SKAP2: variants seen among roughly 807,000 people sequenced by gnomAD.
SKAP2 encodes the protein src kinase-associated phosphoprotein 2.
In SKAP2, 28 loss-of-function variants were observed where a neutral mutation model predicts 54.9. The observed-to-expected ratio is 0.51, with a 90% CI of 0.38 to 0.70. SKAP2 has a LOEUF of 0.70. SKAP2 is among the 30% of genes least tolerant of loss of function. The probability of loss-of-function intolerance (pLI) is 0.00; values close to 1 mark genes in which losing one functional copy is unlikely to be tolerated. For synonymous variants in SKAP2, 137 were observed against 134.3 expected, an observed-to-expected ratio of 1.02 and a Z score of -0.14; for missense variants, 356 against 424.1, an observed-to-expected ratio of 0.84 and a Z score of 1.41.
chr7:26,769,675 G>A (rs916953091), intron 4 of SKAP2, among the ~76,000 whole-genome samples: 2 of 152,140 alleles, frequency 1.3e-5, no homozygotes, highest in Non-Finnish European at 2.9e-5. Flanking sequence ...TGAAGCCATT[G>A]CTTTCTGTTT....
At chr7:26,850,676 A>C (rs932842197) in intron 3 of SKAP2, among the ~76,000 whole-genome samples, 1 of 152,174 alleles carries the variant, frequency 6.6e-6, no homozygotes, top group Admixed American at 6.5e-5. Context: ...ATAAGAAGGA[A>C]CTATCTGTTC....
At chr7:26,798,116 C>A (rs1462331356) in intron 4 of SKAP2, among the ~76,000 whole-genome samples, 1 of 151,366 alleles carries the variant, frequency 6.6e-6, no homozygotes, top group African/African-American at 2.4e-5. Flanking sequence ...CAGATTTAAC[C>A]CAAAGGTTAA....
At chr7:26,708,652 A>G (rs938900693) in intron 9 of SKAP2, among the ~76,000 whole-genome samples, 11 of 152,210 alleles carry the variant, frequency 7.2e-5, no homozygotes, top group Admixed American at 5.2e-4. Context: ...CTTACTGGGT[A>G]TGAGTAGCAC....
chr7:26,724,023 A>C (rs1787640806), intron 9 of SKAP2, among the ~76,000 whole-genome samples: 1 of 152,124 alleles, frequency 6.6e-6, no homozygotes, highest in Admixed American at 6.5e-5. Context: ...GTAAACCAGA[A>C]AGGAAGGGGT....
At chr7:26,677,777 CT>C (rs779214811) in intron 11 of SKAP2, among the ~76,000 whole-genome samples, 3 of 152,214 alleles carry the variant, frequency 2.0e-5, no homozygotes, top group Non-Finnish European at 4.4e-5. Context: ...CAGTTTGTGG[CT>C]TTTCTGGATC....
At position 26,727,762 on chromosome 7, in the gene SKAP2, A is replaced by G. The variant is rs142862553; in HGVS notation, c.470-756T>C. Among the ~76,000 whole-genome samples the G allele has an allele frequency of 3.5e-3, 538 of 152,294 alleles. 3 individuals carry two copies. Among genetic ancestry groups the G allele is most frequent in the African/African-American group, 0.012 (511 of 41,580 alleles). ...AGACAAGTAAAGTGCGAATATAACA[A>G]AGGACTTAATATTCTGAAACTGAAA... On this transcript the variant is annotated intron_variant, in intron 6 of 12. Coordinates refer to ENST00000345317, the MANE Select transcript of SKAP2 (RefSeq NM_003930.5).
At chr7:26,692,758 A>G (rs1422722326) in intron 9 of SKAP2, among the ~76,000 whole-genome samples, 1 of 152,206 alleles carries the variant, frequency 6.6e-6, no homozygotes, top group African/African-American at 2.4e-5. Flanking sequence ...GCTTTAATAA[A>G]TGGGTTAATA....
At chr7:26,673,317 A>C (rs921141601) in intron 11 of SKAP2, among the ~76,000 whole-genome samples, 3 of 152,128 alleles carry the variant, frequency 2.0e-5, no homozygotes, top group African/African-American at 7.2e-5. Flanking sequence ...AGGAGGACTG[A>C]TAAAATAATG....
downstream of SKAP2, among the ~76,000 whole-genome samples, chr7:26,664,273 T>C (rs1260543295): frequency 6.6e-6 from 1 of 152,024 alleles, no homozygotes; most frequent in Non-Finnish European, 1.5e-5. Context: ...CTTCATAGGG[T>C]TGTTATAAGA....
At chr7:26,804,766 T>G (rs576864941) in intron 4 of SKAP2, among the ~76,000 whole-genome samples, 254 of 151,392 alleles carry the variant, frequency 1.7e-3, no homozygotes, top group African/African-American at 5.7e-3. Context: ...GTGCCAATTT[T>G]TAATGCAGGA....
intron 9 of SKAP2, among the ~76,000 whole-genome samples, chr7:26,719,392 G>GAT (rs1345766682): frequency 6.6e-6 from 1 of 152,072 alleles, no homozygotes; most frequent in Non-Finnish European, 1.5e-5. Context: ...GGTCCAAAAA[G>GAT]ATAGAGAAGT....
In SKAP2 at chr7:26,768,276, C is replaced by T. The variant is rs1783105855; in HGVS notation, c.308-28312G>A. ...TATTATCAGAGACTAAGATTGCAAC[C>T]CCTGCTTTTTTTTTTTTTTGCTTTC... On this transcript the variant is annotated intron_variant, in intron 4 of 12. Coordinates refer to ENST00000345317, the MANE Select transcript of SKAP2 (RefSeq NM_003930.5). Among the ~76,000 whole-genome samples, 5 of 124,970 alleles carry T rather than the reference C, an allele frequency of 4.0e-5. No individual in the cohort carries two copies. In the Admixed American group the frequency reaches 4.2e-4, roughly 11 times the overall value. The allele number at this position is 124,970 out of a possible 152,430, so 82.0% of individuals were successfully genotyped here.
chr7:26,740,925 T>C (rs1262374232), intron 4 of SKAP2, among the ~76,000 whole-genome samples: 1 of 151,766 alleles, frequency 6.6e-6, no homozygotes, highest in Non-Finnish European at 1.5e-5. Flanking sequence ...GAGGCAGAGG[T>C]TGCAGTGAGC....
intron 4 of SKAP2, among the ~76,000 whole-genome samples, chr7:26,742,639 A>AT (rs200375831): frequency 0.016 from 2,421 of 151,908 alleles, 62 homozygotes; most frequent in African/African-American, 0.055. Flanking sequence ...GGGGGAGTAC[A>AT]TTTTTTTTAA....
intron 11 of SKAP2, among the ~76,000 whole-genome samples, chr7:26,672,135 A>C (rs1386452316): frequency 6.6e-6 from 1 of 152,060 alleles, no homozygotes; most frequent in Non-Finnish European, 1.5e-5. Flanking sequence ...TATTATTGGC[A>C]TAAACTTGCT....
intron 4 of SKAP2, among the ~76,000 whole-genome samples, chr7:26,756,241 A>G (rs968652267): frequency 6.6e-6 from 1 of 152,202 alleles, no homozygotes; most frequent in African/African-American, 2.4e-5. Flanking sequence ...GGTTTGTTAC[A>G]TATGTAAACA....
chr7:26,849,433 C>T (rs753228656), intron 3 of SKAP2, among the ~76,000 whole-genome samples: 4 of 151,932 alleles, frequency 2.6e-5, no homozygotes, highest in East Asian at 1.9e-4. Context: ...CACACCTGCC[C>T]GGCACTTTGG....
chr7:26,760,328 A>C (rs1287383318), intron 4 of SKAP2, among the ~76,000 whole-genome samples: 1 of 152,188 alleles, frequency 6.6e-6, no homozygotes, highest in African/African-American at 2.4e-5. Context: ...AGAGTAAATG[A>C]AATCTTTTTA....
intron 9 of SKAP2, among the ~76,000 whole-genome samples, chr7:26,693,955 A>T (rs944111344): frequency 6.6e-6 from 1 of 152,160 alleles, no homozygotes; most frequent in Non-Finnish European, 1.5e-5. Context: ...ATAAATACAG[A>T]ATAAACAAAT....
Sources: allele counts gnomAD v4.1 joint callset (sites outside exome capture counted in the v4.1 genomes callset), GRCh38; gene constraint gnomAD v4.1.1; transcripts MANE v1.5; gene names NCBI Gene and HGNC (gene_info 2026-07-23, HGNC 2026-07-21).